Variants in NLRP7 observed in about 807,000 individuals in gnomAD.
The protein encoded by NLRP7 is NACHT, LRR and PYD domains-containing protein 7.
Under a neutral mutation model 85.5 loss-of-function variants are expected in NLRP7, and 72 were observed. The ratio of observed to expected loss-of-function variants is 0.84; its 90% CI spans 0.70 to 1.02. NLRP7 has a LOEUF of 1.02. Ranked by LOEUF, NLRP7 falls within the 50% of genes least tolerant of loss-of-function variation. The pLI, the probability that NLRP7 is intolerant of heterozygous loss-of-function variation, is 0.00. For synonymous variants in NLRP7, 550 were observed against 505.2 expected, an observed-to-expected ratio of 1.09 and a Z score of -1.19; for missense variants, 1,243 against 1,219.5, an observed-to-expected ratio of 1.02 and a Z score of -0.29.
exon 2 of NLRP7, chr19:54,941,743 C>A (rs374912318): frequency 3.6e-5 from 57 of 1,596,370 alleles, no homozygotes; most frequent in Non-Finnish European, 4.2e-5. Context: ...TAGGTTAAGG[C>A]TGAAGAACTG....
upstream of NLRP7, among the ~76,000 whole-genome samples, chr19:54,951,620 ATG>A (rs1447078434): frequency 6.6e-6 from 1 of 152,152 alleles, no homozygotes; most frequent in African/African-American, 2.4e-5. Context: ...AAAAATAAAA[ATG>A]AAAAAATGTG....
intron 1 of NLRP7, among the ~76,000 whole-genome samples, 191 bp from the exon 2 acceptor site, chr19:54,941,941 C>A (rs932432205): frequency 4.6e-5 from 7 of 152,102 alleles, no homozygotes; most frequent in Non-Finnish European, 8.8e-5. Context: ...CGAGACCAGC[C>A]TGGCTAACTT....
rs574306301 is a variant in NLRP7, at chr19:54,942,882, C to T, written c.-39-1132G>A. ...ACTGTACTGGCCGGGTATGGTGGCT[C>T]AGGCCTGGAATCCCAGCACTTTGGG... On this transcript the variant is annotated intron_variant, in intron 1 of 9. Transcript: ENST00000340844. 5.3e-5 allele frequency among the ~76,000 whole-genome samples: 8 copies of T among 152,192 alleles called. No homozygotes were observed. In the South Asian group the frequency reaches 8.3e-4, roughly 16 times the overall value.
chr19:54,940,245 T>C (rs104895529), exon 4 of NLRP7: 4 of 1,614,186 alleles, frequency 2.5e-6, no homozygotes, highest in South Asian at 1.1e-5. Flanking sequence ...CAGTCCAGCA[T>C]ACACTTTTTG....
At chr19:54,953,770 A>T (rs1374711251) in intron 1 of NLRP7, among the ~76,000 whole-genome samples, 3 of 151,784 alleles carry the variant, frequency 2.0e-5, no homozygotes, top group Non-Finnish European at 4.4e-5. Flanking sequence ...TCGGGGGCTG[A>T]GGCGGGTGGA....
intron 1 of NLRP7, 80 bp from the exon 2 acceptor site, chr19:54,941,830 A>T: frequency 9.5e-7 from 1 of 1,053,256 alleles, no homozygotes; most frequent in Non-Finnish European, 1.4e-6. Context: ...CAAGAACAAG[A>T]CTGTTCCTGC....
chr19:54,960,968 A>C (rs1187127056), intron 1 of NLRP7, among the ~76,000 whole-genome samples: 3 of 152,092 alleles, frequency 2.0e-5, no homozygotes, highest in African/African-American at 7.2e-5. Context: ...GTCAAAGAAG[A>C]AATAACAAAG....
At chr19:54,933,589 A>G (rs1602138090) in exon 8 of NLRP7, 1 of 1,614,204 alleles carries the variant, frequency 6.2e-7, no homozygotes, top group South Asian at 1.1e-5. Context: ...GCAGTTTACA[A>G]TCAGGGTAAC....
At chr19:54,936,117 C>T (rs1437718617) in intron 6 of NLRP7, 144 bp downstream of exon 6, 6 of 733,956 alleles carry the variant, frequency 8.2e-6, no homozygotes, top group South Asian at 6.0e-5. Context: ...AGAGGAGAGG[C>T]CGACTCCCCC....
At chr19:54,939,880 C>T (rs534903397) in exon 4 of NLRP7, 7 of 1,614,032 alleles carry the variant, frequency 4.3e-6, no homozygotes, top group Non-Finnish European at 5.9e-6. Context: ...TCGGCTGCTG[C>T]GCCAGGAGCT....
At chr19:54,925,211 T>C (rs1192745350) in intron 9 of NLRP7, among the ~76,000 whole-genome samples, 3 of 151,962 alleles carry the variant, frequency 2.0e-5, no homozygotes, top group African/African-American at 7.3e-5. Context: ...CCCAAACATA[T>C]GACATAAGAG....
At chr19:54,926,852 G>T (rs535954165) in intron 9 of NLRP7, among the ~76,000 whole-genome samples, 19 of 150,636 alleles carry the variant, frequency 1.3e-4, no homozygotes, top group Admixed American at 2.7e-4. Flanking sequence ...GGAGGCAGAG[G>T]TTGCACTGAG....
At chr19:54,940,072 C>A (rs1291245286) in exon 4 of NLRP7, 4 of 1,614,220 alleles carry the variant, frequency 2.5e-6, no homozygotes, top group Non-Finnish European at 3.4e-6. Flanking sequence ...CGACCACGAA[C>A]AGGATTCTCT....
In NLRP7 at chr19:54,934,300, C is replaced by T. The variant is rs556768510; in HGVS notation, c.2471+189G>A. Among the ~76,000 whole-genome samples the T allele has an allele frequency of 6.6e-6, 1 of 152,264 alleles. No homozygotes were observed. Among genetic ancestry groups the T allele is most frequent in the East Asian group, 1.9e-4 (1 of 5,170 alleles). On this transcript the variant is annotated intron_variant, in intron 7 of 9. Coordinates refer to ENST00000340844, the Ensembl canonical transcript of NLRP7. The surrounding 1 kb of genome is among the most constrained non-coding windows in gnomAD (Gnocchi z 6.7). ...CCATGTTGGCCAGGTTGGTCTCGAACTCCTGAACTCAGATGATCCGCCCAC... is the reference window on the plus strand; with the variant it reads ...CCATGTTGGCCAGGTTGGTCTCGAATTCCTGAACTCAGATGATCCGCCCAC...
chr19:54,939,061 C>T, exon 4 of NLRP7: 1 of 1,614,232 alleles, frequency 6.2e-7, no homozygotes, highest in Non-Finnish European at 8.5e-7. Flanking sequence ...GGGCCACCAC[C>T]ACCTTCGCCA....
upstream of NLRP7, chr19:54,947,645 T>G: frequency 7.8e-7 from 1 of 1,289,216 alleles, no homozygotes. Flanking sequence ...AGGCTCACCT[T>G]GACATCACCT....
chr19:54,931,517 C>T (rs567740893), intron 8 of NLRP7, among the ~76,000 whole-genome samples: 75 of 152,150 alleles, frequency 4.9e-4, no homozygotes, highest in African/African-American at 1.8e-3. Flanking sequence ...TGGAGAAACC[C>T]GTCTCTACTA....
intron 2 of NLRP7, among the ~76,000 whole-genome samples, 192 bp downstream of exon 2, chr19:54,941,243 G>T (rs374547721): frequency 6.6e-6 from 1 of 151,232 alleles, no homozygotes; most frequent in Non-Finnish European, 1.5e-5. Flanking sequence ...GGTGAAACAC[G>T]CCTGTAATCC....
In NLRP7 at chr19:54,939,628, G is replaced by A. The variant is rs777313176; in HGVS notation, c.1191C>T (p.Phe397=). Residue 397 remains phenylalanine, a synonymous_variant, in exon 4 of 10, where the codon TTC becomes TTT. Transcript: ENST00000340844. Reference sequence around the variant, plus strand: ...CGCCCTGCGGGAACCGGCTGCAGAGGAAACGCAGGAACAGCCCCGTGCGGG... The same window carrying A: ...CGCCCTGCGGGAACCGGCTGCAGAGAAAACGCAGGAACAGCCCCGTGCGGG... 5.2e-5 allele frequency: 83 copies of A among 1,610,882 alleles called. No individual in the cohort carries two copies. The highest frequency in any genetic ancestry group is 1.1e-5 in the Non-Finnish European group (13 of 1,179,396).
Sources: allele counts gnomAD v4.1 joint callset (sites outside exome capture counted in the v4.1 genomes callset), GRCh38; gene constraint gnomAD v4.1.1; non-coding constraint Gnocchi (gnomAD v3.1); transcripts MANE v1.5; gene names NCBI Gene and HGNC (gene_info 2026-07-23, HGNC 2026-07-21).